Variants in USP42 observed in about 807,000 individuals in gnomAD.
USP42 encodes ubiquitin carboxyl-terminal hydrolase 42.
USP42 carries 23 observed loss-of-function variants against 113.0 expected under a neutral mutation model. The observed-to-expected ratio is 0.20, with a 90% confidence interval of 0.15 to 0.29. The LOEUF (loss-of-function observed/expected upper bound fraction) is 0.29. Among genes scored for constraint, USP42 ranks in the 10% least tolerant of loss-of-function variants. USP42 has a pLI of 1.00. For synonymous variants in USP42, 933 were observed against 699.0 expected (o/e 1.33, Z -5.28); for missense variants, 2,174 against 1,779.8 (o/e 1.22, Z -3.99).
chr7:6,129,424 G>A (rs1780722018), intron 3 of USP42, among the ~76,000 whole-genome samples: 1 of 151,490 alleles, frequency 6.6e-6, no homozygotes, highest in Non-Finnish European at 1.5e-5. Context: ...AGGCATGGTG[G>A]CGGGCGCCTG....
At chr7:6,146,380 C>CCTG in intron 11 of USP42, 132 bp downstream of exon 11, 1 of 658,896 alleles carries the variant, frequency 1.5e-6, no homozygotes. Context: ...CAACTCTAGC[C>CCTG]TGGGCATGGT....
chr7:6,154,197 G>A lies in USP42; in HGVS notation c.2643G>A (p.Arg881=), dbSNP rs746080832. ...LLVHPSGDHA[R]DAQDPSQSLG... The stretch of plus-strand genomic sequence containing the variant: ...TTCACCCCAGCGGGGACCACGCCCG[G>A]GACGCTCAGGACCCATCCCAGAGCT... The change falls in exon 15 of 18, where the codon CGG becomes CGA. Residue 881 remains arginine (R), a synonymous_variant. Transcript: ENST00000306177. The A allele has an allele frequency of 6.2e-7, 1 of 1,602,350 alleles. No homozygotes were observed. Among genetic ancestry groups the A allele is most frequent in the Non-Finnish European group, 8.5e-7 (1 of 1,176,588 alleles).
Position 6,130,599 on chromosome 7 carries a change from G to A in USP42, c.443-5242G>A, listed in dbSNP as rs372240911. ...CAGCTCCTAGTCAGCCTTCTCCACC[G>A]TTAACCCAGTATGGGTTAGGGTGCC... On this transcript the variant is annotated intron_variant, in intron 3 of 17. Coordinates refer to ENST00000306177, the MANE Select transcript of USP42 (RefSeq NM_032172.3). Among the ~76,000 whole-genome samples the A allele has an allele frequency of 4.1e-3, 618 of 152,310 alleles. 2 individuals carry two copies. The highest frequency in any genetic ancestry group is 0.014 in the African/African-American group (592 of 41,562).
intron 2 of USP42, among the ~76,000 whole-genome samples, chr7:6,113,507 T>C (rs1003444789): frequency 2.6e-5 from 4 of 152,200 alleles, no homozygotes; most frequent in Admixed American, 6.5e-5. Context: ...AATTTTGCTC[T>C]CCTTTCCCCA....
chr7:6,091,680 TACACAC>T, the USP42 span, among the ~76,000 whole-genome samples: 31 of 136,144 alleles, frequency 2.3e-4, no homozygotes, highest in East Asian at 3.1e-3. Context: ...TATGTTAGCA[TACACAC>T]ACACACACAC....
At chr7:6,119,184 C>A (rs1049459733) in intron 3 of USP42, among the ~76,000 whole-genome samples, 2 of 152,116 alleles carry the variant, frequency 1.3e-5, no homozygotes, top group Admixed American at 6.5e-5. Flanking sequence ...CACTGTATTA[C>A]AGCCTGAGTG....
intron 3 of USP42, among the ~76,000 whole-genome samples, chr7:6,126,037 A>C (rs1780524565): frequency 1.3e-5 from 2 of 152,188 alleles, no homozygotes; most frequent in African/African-American, 4.8e-5. Flanking sequence ...CATCACCTAC[A>C]GAACCCAGCA....
At position 6,156,968 on chromosome 7, in the gene USP42, G is replaced by T. The variant is rs1312473791; in HGVS notation, c.3856G>T (p.Glu1286Ter). 1 of 1,613,780 alleles carries T rather than the reference G, an allele frequency of 6.2e-7. No homozygotes were observed. Among genetic ancestry groups the T allele is most frequent in the Non-Finnish European group, 8.5e-7 (1 of 1,179,836 alleles). ...GFPLSGGPPL[E>*]GVGPFREKTK... ...TCCTCTCTCTGGTGGCCCGCCTCTG[G>T]AAGGCGTCGGACCTTTCCGTGAGAA... Residue 1286 changes from glutamate (E) to a stop codon, truncating the protein, a stop_gained, in exon 16 of 18, where the codon GAA (glutamate) becomes TAA (stop). Transcript: ENST00000306177. LOFTEE classifies it high-confidence loss of function.
At chr7:6,113,678 G>A (rs371969969) in intron 2 of USP42, among the ~76,000 whole-genome samples, 3 of 152,068 alleles carry the variant, frequency 2.0e-5, no homozygotes, top group South Asian at 2.1e-4. Context: ...CTGGAGAGCA[G>A]TGTTGCAATC....
Position 6,157,682 on chromosome 7 carries a change from G to C in USP42, c.3943+627G>C, listed in dbSNP as rs554254281. 1.8e-4 allele frequency among the ~76,000 whole-genome samples: 27 copies of C among 152,174 alleles called. No individual in the cohort carries two copies. Among genetic ancestry groups the C allele is most frequent in the Non-Finnish European group, 3.5e-4 (24 of 68,036 alleles). ...TTTGCAGCGTATACGTTACTCTCCC[G>C]AATCCTTAAACCTGTAGCATTCTGA... On this transcript the variant is annotated intron_variant, in intron 16 of 17. Coordinates refer to ENST00000306177, the MANE Select transcript of USP42 (RefSeq NM_032172.3). The surrounding 1 kb of genome is among the most constrained non-coding windows in gnomAD (Gnocchi z 4.1).
chr7:6,093,953 G>A, the USP42 span, among the ~76,000 whole-genome samples: 6 of 147,738 alleles, frequency 4.1e-5, no homozygotes, highest in East Asian at 2.0e-4. Flanking sequence ...TGCATGGCGC[G>A]ATGTGGGCTC....
intron 3 of USP42, among the ~76,000 whole-genome samples, chr7:6,123,261 T>G (rs1488365315): frequency 1.3e-5 from 2 of 152,196 alleles, no homozygotes; most frequent in African/African-American, 4.8e-5. Flanking sequence ...TGATGGCTCA[T>G]GCCTGTAATC....
upstream of USP42, among the ~76,000 whole-genome samples, chr7:6,102,832 GT>G (rs746870925): frequency 4.6e-5 from 7 of 151,164 alleles, no homozygotes; most frequent in Non-Finnish European, 8.8e-5. Flanking sequence ...AATGCTCAGA[GT>G]GGGGGAGTCA....
At position 6,161,433 on chromosome 7, in the gene USP42, T is replaced by C. The variant is rs538268480; in HGVS notation, c.*915T>C. 1 of 152,754 alleles carries C rather than the reference T, an allele frequency of 6.5e-6. No homozygotes were observed. The highest frequency in any genetic ancestry group is 2.4e-5 in the African/African-American group (1 of 41,566). 9.5% of individuals were successfully genotyped at this position (152,754 alleles called of 1,614,324 possible). ...TTTGTATCTGAATAATCTGTATGGTTTATACAGTTTGTGTTGTTCAGAGAT... is the reference window on the plus strand; with the variant it reads ...TTTGTATCTGAATAATCTGTATGGTCTATACAGTTTGTGTTGTTCAGAGAT... On this transcript the variant is annotated 3_prime_UTR_variant, in exon 18 of 18. Coordinates refer to ENST00000306177, the MANE Select transcript of USP42 (RefSeq NM_032172.3).
At chr7:6,096,966 C>G in the USP42 span, among the ~76,000 whole-genome samples, 1 of 150,252 alleles carries the variant, frequency 6.7e-6, no homozygotes, top group African/African-American at 2.5e-5. Context: ...CTCTGTCATC[C>G]ATGCTGGAGT....
chr7:6,154,107 C>A lies in USP42; in HGVS notation c.2553C>A (p.Ala851=), dbSNP rs374377877. 2 of 1,603,906 alleles carry A rather than the reference C, an allele frequency of 1.2e-6. No homozygotes were observed. The highest frequency in any genetic ancestry group is 1.7e-5 in the Admixed American group (1 of 59,884). Residue 851 remains alanine (A), a synonymous_variant, in exon 15 of 18, where the codon GCC becomes GCA. Coordinates refer to ENST00000306177, the MANE Select transcript of USP42 (RefSeq NM_032172.3). ...EGPRDSALAE[A]PEGLSPAPPA... ...CGCGGGACTCGGCGTTGGCGGAAGCCCCGGAAGGGTTGAGTCCGGCTCCGC... is the reference window on the plus strand; with the variant it reads ...CGCGGGACTCGGCGTTGGCGGAAGCACCGGAAGGGTTGAGTCCGGCTCCGC...
At chr7:6,117,154 C>T (rs1779956854) in intron 3 of USP42, among the ~76,000 whole-genome samples, 1 of 152,046 alleles carries the variant, frequency 6.6e-6, no homozygotes, top group Admixed American at 6.6e-5. Flanking sequence ...ATGTTCATCA[C>T]CCTCAAAAGT....
chr7:6,153,302 CA>C (rs72036975), intron 14 of USP42, among the ~76,000 whole-genome samples: 263 of 132,852 alleles, frequency 2.0e-3, no homozygotes, highest in Admixed American at 3.1e-3. Context: ...TGAAACAAAA[CA>C]AAAAAAAAAA....
At chr7:6,114,680 T>TATATATATATATGTA (rs59463139) in intron 2 of USP42, among the ~76,000 whole-genome samples, 1 of 35,962 alleles carries the variant, frequency 2.8e-5, no homozygotes, top group African/African-American at 3.1e-4. Context: ...ATATATATAT[T>TATATATATATATGTA]TTTTTTTTTT....
Sources: allele counts gnomAD v4.1 joint callset (sites outside exome capture counted in the v4.1 genomes callset), GRCh38; gene constraint gnomAD v4.1.1; non-coding constraint Gnocchi (gnomAD v3.1); transcripts MANE v1.5; gene names NCBI Gene and HGNC (gene_info 2026-07-23, HGNC 2026-07-21).